The following LDLRAD3 variants were observed in gnomAD, a reference collection of about 807,000 sequenced individuals.
LDLRAD3 encodes low density lipoprotein receptor class A domain containing 3.
A neutral mutation model predicts 29.4 loss-of-function variants in LDLRAD3; 20 were observed. The observed-to-expected ratio is 0.68, with a 90% CI of 0.48 to 0.99. The LOEUF is 0.99. Ranked by LOEUF, LDLRAD3 falls within the 50% of genes least tolerant of loss-of-function variation. LDLRAD3 has a pLI of 0.00. For synonymous variants in LDLRAD3, 157 were observed against 192.7 expected (o/e 0.81, Z 1.53); for missense variants, 420 against 454.3 (o/e 0.92, Z 0.69).
chr11:36,143,395 G>T (rs979481164), intron 4 of LDLRAD3, among the ~76,000 whole-genome samples: 1 of 152,206 alleles, frequency 6.6e-6, no homozygotes, highest in African/African-American at 2.4e-5. Flanking sequence ...ATGTGGCTTT[G>T]ACCACTCTCT....
At chr11:36,052,854 G>A (rs2133224795) in intron 2 of LDLRAD3, among the ~76,000 whole-genome samples, 1 of 152,226 alleles carries the variant, frequency 6.6e-6, no homozygotes, top group South Asian at 2.1e-4. Flanking sequence ...AAAAATTAAA[G>A]CATAAAGAGA....
intron 4 of LDLRAD3, among the ~76,000 whole-genome samples, chr11:36,120,812 G>T (rs978167876): frequency 4.6e-5 from 7 of 152,140 alleles, no homozygotes; most frequent in Admixed American, 4.6e-4. Context: ...TGAGGCCCTT[G>T]GGAGGTGATT....
intron 4 of LDLRAD3, among the ~76,000 whole-genome samples, chr11:36,125,806 T>C (rs1590288183): frequency 6.6e-6 from 1 of 152,182 alleles, no homozygotes; most frequent in Non-Finnish European, 1.5e-5. Flanking sequence ...GTCTTCTTGC[T>C]CCTGCAGTGC....
At chr11:36,164,068 A>G (rs1307033456) in intron 4 of LDLRAD3, among the ~76,000 whole-genome samples, 1 of 152,184 alleles carries the variant, frequency 6.6e-6, no homozygotes, top group Non-Finnish European at 1.5e-5. Context: ...TCTTTCTAGA[A>G]GGAGCCATTT....
chr11:36,006,904 C>T (rs1270003063), intron 1 of LDLRAD3, among the ~76,000 whole-genome samples: 1 of 152,222 alleles, frequency 6.6e-6, no homozygotes, highest in Non-Finnish European at 1.5e-5. Flanking sequence ...GGAAGTCGCA[C>T]TTTTAGCCCA....
At chr11:36,133,416 G>A (rs901304525) in intron 4 of LDLRAD3, among the ~76,000 whole-genome samples, 2 of 150,936 alleles carry the variant, frequency 1.3e-5, no homozygotes, top group African/African-American at 4.9e-5. Flanking sequence ...CTGAGACAAG[G>A]TCTTGCTCTG....
At chr11:36,128,763 C>G (rs1020278141) in intron 4 of LDLRAD3, among the ~76,000 whole-genome samples, 1 of 151,528 alleles carries the variant, frequency 6.6e-6, no homozygotes, top group African/African-American at 2.4e-5. Context: ...TCAGGAGAAT[C>G]GCTTGAACCC....
At chr11:35,967,013 C>G (rs1284818785) in intron 1 of LDLRAD3, 1 of 183,056 alleles carries the variant, frequency 5.5e-6, no homozygotes, top group Non-Finnish European at 1.2e-5. Context: ...TCCTTTAGTT[C>G]AGAGGCTCAT....
chr11:35,947,685 G>A (rs1851075435), intron 1 of LDLRAD3, among the ~76,000 whole-genome samples: 1 of 152,126 alleles, frequency 6.6e-6, no homozygotes, highest in Non-Finnish European at 1.5e-5. Flanking sequence ...TCATTGTATG[G>A]TTCAGGAGAG....
intron 3 of LDLRAD3, among the ~76,000 whole-genome samples, chr11:36,085,630 A>G (rs1041350806): frequency 6.6e-6 from 1 of 151,888 alleles, no homozygotes; most frequent in African/African-American, 2.4e-5. Flanking sequence ...TTTGGGGGGT[A>G]GGTCAGGGTT....
intron 4 of LDLRAD3, among the ~76,000 whole-genome samples, chr11:36,164,099 C>T (rs946272212): frequency 6.6e-6 from 1 of 152,148 alleles, no homozygotes. Context: ...TACCACTGCC[C>T]TGGGTGATCC....
In LDLRAD3 at chr11:36,213,350, G is replaced by A. The variant is rs888468323; in HGVS notation, c.455-13735G>A. 7.9e-5 allele frequency among the ~76,000 whole-genome samples: 12 copies of A among 152,218 alleles called. No individual in the cohort carries two copies. Among genetic ancestry groups the A allele is most frequent in the East Asian group, 1.9e-4 (1 of 5,190 alleles). ...TGAGTTGCCATGGTAATGGTTCAGC[G>A]GGGTTTTCATGGCTCTCTTTTGATT... On this transcript the variant is annotated intron_variant, in intron 4 of 5. Coordinates refer to ENST00000315571, the MANE Select transcript of LDLRAD3 (RefSeq NM_174902.4). This position sits in a 1 kb window ranked among gnomAD's most constrained non-coding sequence, Gnocchi z 4.1.
intron 2 of LDLRAD3, among the ~76,000 whole-genome samples, chr11:36,078,103 C>T (rs1328401497): frequency 6.6e-6 from 1 of 152,144 alleles, no homozygotes; most frequent in East Asian, 1.9e-4. Flanking sequence ...CCTGTTGTCT[C>T]CTCAAGTCTG....
intron 5 of LDLRAD3, among the ~76,000 whole-genome samples, chr11:36,227,901 T>C (rs942483221): frequency 4.6e-5 from 7 of 152,228 alleles, no homozygotes; most frequent in African/African-American, 1.4e-4. Flanking sequence ...GTCAAATGAA[T>C]GGATAAATGA....
At chr11:36,219,983 T>C (rs1367203490) in intron 4 of LDLRAD3, among the ~76,000 whole-genome samples, 1 of 152,194 alleles carries the variant, frequency 6.6e-6, no homozygotes. Context: ...AATAATAATG[T>C]CAAACCAATT....
At chr11:36,001,416 T>G (rs1851823534) in intron 1 of LDLRAD3, among the ~76,000 whole-genome samples, 2 of 152,220 alleles carry the variant, frequency 1.3e-5, no homozygotes, top group Non-Finnish European at 2.9e-5. Context: ...CAAACTAGGA[T>G]GACACTTATT....
chr11:36,016,798 T>C (rs951028360), intron 1 of LDLRAD3, among the ~76,000 whole-genome samples: 31 of 152,196 alleles, frequency 2.0e-4, no homozygotes, highest in East Asian at 1.9e-4. Flanking sequence ...CATATTGTTT[T>C]CCAACTTGCT....
At position 36,213,788 on chromosome 11, in the gene LDLRAD3, AGGCTCT is replaced by A. The variant is rs1855315569; in HGVS notation, c.455-13295_455-13290del. 6.6e-6 allele frequency among the ~76,000 whole-genome samples: 1 copy of A among 152,132 alleles called. No individual in the cohort carries two copies. On this transcript the variant is annotated intron_variant, in intron 4 of 5. Transcript: ENST00000315571. This position sits in a 1 kb window ranked among gnomAD's most constrained non-coding sequence, Gnocchi z 4.1. ...TCCCCTCCATCGCATCACAGCTTGG[AGGCTCT>A]GTGCCCCTGTGAATCCCAACTGTTC...
chr11:36,050,465 G>T (rs1236178846), intron 2 of LDLRAD3, among the ~76,000 whole-genome samples: 1 of 152,200 alleles, frequency 6.6e-6, no homozygotes, highest in East Asian at 1.9e-4. Context: ...GGAGCAGATG[G>T]CCCTGATGCA....
Sources: gnomAD v4.1 joint callset for allele counts (sites outside exome capture counted in the v4.1 genomes callset) on GRCh38, gnomAD v4.1.1 for gene constraint, Gnocchi (gnomAD v3.1) non-coding constraint, MANE v1.5 for transcripts, NCBI Gene and HGNC (gene_info 2026-07-23, HGNC 2026-07-21) for gene names.